Variants in ZGRF1 observed in about 807,000 individuals in gnomAD.
The protein encoded by ZGRF1 is 5'-3' DNA helicase ZGRF1.
In ZGRF1, 196 loss-of-function variants were observed where a neutral mutation model predicts 203.5. The observed-to-expected ratio is 0.96, with a 90% confidence interval of 0.86 to 1.08. The LOEUF (loss-of-function observed/expected upper bound fraction) is 1.08, where lower values mean the gene tolerates loss of function less well. Among genes scored for constraint, ZGRF1 ranks in the 50% least tolerant of loss-of-function variants. The probability of loss-of-function intolerance (pLI) is 0.00; values close to 1 mark genes in which losing one functional copy is unlikely to be tolerated. For missense variants in ZGRF1, 2,326 were observed against 2,416.3 expected (o/e 0.96, Z 0.78); for synonymous variants, 809 against 841.3 (o/e 0.96, Z 0.66).
Position 112,562,425 on chromosome 4 carries a change from A to T in ZGRF1, c.4643T>A (p.Ile1548Asn). ...ASTELTTLKN[I>N]QDYFNPATLP... ...AGTAGCTGGATTAAAGTAGTCCTGA[A>T]TGTTTTTCAAAGTAGTCAGTTCTGT... is the stretch of plus-strand genomic sequence containing the variant. The change falls in exon 18 of 28, where the codon ATT (isoleucine) becomes AAT (asparagine). Residue 1548 changes from isoleucine to asparagine, a missense_variant. Physicochemically the swap from Ile to Asn is moderately radical, Grantham distance 149 (BLOSUM62 -3). Transcript: ENST00000505019. The T allele has an allele frequency of 1.9e-6, 3 of 1,610,732 alleles. No individual in the cohort carries two copies. The highest frequency in any genetic ancestry group is 2.5e-6 in the Non-Finnish European group (3 of 1,178,246).
At position 112,586,910 on chromosome 4, in the gene ZGRF1, C is replaced by T. The variant is rs528651169; in HGVS notation, c.3778-327G>A. Reference sequence around the variant, plus strand: ...TTATGACTATAATAAGGATTATTCACAATTAACGTGAAATAAGATGCACCT... The same window carrying T: ...TTATGACTATAATAAGGATTATTCATAATTAACGTGAAATAAGATGCACCT... On this transcript the variant is annotated intron_variant, in intron 12 of 27. Coordinates refer to ENST00000505019, the MANE Select transcript of ZGRF1 (RefSeq NM_018392.5). Among the ~76,000 whole-genome samples the T allele has an allele frequency of 9.2e-5, 14 of 152,214 alleles. No homozygotes were observed. The South Asian group carries it at 1.7e-3, about 18-fold the overall frequency.
At chr4:112,633,085 G>T in intron 2 of ZGRF1, 71 bp downstream of exon 2, 1 of 1,364,566 alleles carries the variant, frequency 7.3e-7, no homozygotes, top group Non-Finnish European at 1.0e-6. Context: ...CAAGATGTTT[G>T]TGAAACGCCT....
intron 24 of ZGRF1, 100 bp downstream of exon 24, chr4:112,547,185 G>T: frequency 1.7e-6 from 2 of 1,181,492 alleles, no homozygotes; most frequent in South Asian, 1.9e-5. Context: ...TTATTTTAAG[G>T]CAGGACTAAG....
At chr4:112,559,713 G>A (rs1741586375) in intron 19 of ZGRF1, among the ~76,000 whole-genome samples, 1 of 152,166 alleles carries the variant, frequency 6.6e-6, no homozygotes, top group African/African-American at 2.4e-5. Flanking sequence ...ATGCTATTAT[G>A]ATCTCCATTT....
chr4:112,548,586 C>G (rs529806716), intron 22 of ZGRF1, among the ~76,000 whole-genome samples: 10 of 151,478 alleles, frequency 6.6e-5, no homozygotes, highest in Admixed American at 5.9e-4. Context: ...GTTACTTAAG[C>G]CACAAGCCCA....
chr4:112,567,087 G>T (rs1000216299), intron 16 of ZGRF1, among the ~76,000 whole-genome samples: 2 of 152,238 alleles, frequency 1.3e-5, no homozygotes, highest in African/African-American at 2.4e-5. Flanking sequence ...TCTAAGAAAT[G>T]ATACATCTTA....
At chr4:112,583,298 A>G (rs1304967963) in intron 15 of ZGRF1, among the ~76,000 whole-genome samples, 2 of 152,212 alleles carry the variant, frequency 1.3e-5, no homozygotes, top group Admixed American at 1.3e-4. Flanking sequence ...CTATTACCCT[A>G]TAAGCTATGT....
At chr4:112,601,614 T>C (rs552561227) in intron 10 of ZGRF1, among the ~76,000 whole-genome samples, 2 of 150,092 alleles carry the variant, frequency 1.3e-5, no homozygotes, top group Admixed American at 1.3e-4. Context: ...GGTGGGCACA[T>C]GTAGTCCCAG....
Position 112,617,620 on chromosome 4 carries a change from T to G in ZGRF1, c.2422A>C (p.Lys808Gln). Residue 808 changes from lysine (K) to glutamine (Q), a missense_variant, in exon 6 of 28, where the codon AAA (lysine) becomes CAA (glutamine). By Grantham distance (53) the Lys-to-Gln change is moderately conservative (BLOSUM62 1). Coordinates refer to ENST00000505019, the MANE Select transcript of ZGRF1 (RefSeq NM_018392.5). ...HVEVETAREG[K>Q]QYWNPRNSSE... ...GAATTTCTAGGATTCCAGTATTGTT[T>G]GCCTTCTCTGGCAGTTTCAACCTCA... 1 of 1,613,418 alleles carries G rather than the reference T, an allele frequency of 6.2e-7. No individual in the cohort carries two copies. Among genetic ancestry groups the G allele is most frequent in the Non-Finnish European group, 8.5e-7 (1 of 1,179,818 alleles).
At chr4:112,558,097 C>T in intron 20 of ZGRF1, 53 bp downstream of exon 20, 1 of 1,509,574 alleles carries the variant, frequency 6.6e-7, no homozygotes, top group Non-Finnish European at 9.0e-7. Flanking sequence ...TGGGTTGCCT[C>T]TCTCAACAAT....
At chr4:112,626,862 G>A (rs963056024) in intron 3 of ZGRF1, among the ~76,000 whole-genome samples, 2 of 152,126 alleles carry the variant, frequency 1.3e-5, no homozygotes, top group Middle Eastern at 3.4e-3. Context: ...CTACAGTGCA[G>A]TGGCATGATC....
chr4:112,569,068 A>C (rs1362500124), intron 16 of ZGRF1, among the ~76,000 whole-genome samples: 1 of 152,206 alleles, frequency 6.6e-6, no homozygotes. Context: ...TGAATACAAG[A>C]TGATAACTAA....
chr4:112,583,747 T>A (rs1019604244), intron 15 of ZGRF1, among the ~76,000 whole-genome samples: 1 of 151,596 alleles, frequency 6.6e-6, no homozygotes, highest in Non-Finnish European at 1.5e-5. Flanking sequence ...AAGGTTGCAG[T>A]GAGCTAAGGA....
In ZGRF1 at chr4:112,554,100, T is replaced by C. The variant is rs955456139; in HGVS notation, c.5199-118A>G. The C allele has an allele frequency of 9.7e-6, 8 of 824,914 alleles. No homozygotes were observed. The Admixed American group carries it at 2.2e-4, about 23-fold the overall frequency. 51.1% of individuals were successfully genotyped at this position (824,914 alleles called of 1,614,324 possible). A position where few individuals can be genotyped will look rare whatever the true frequency, so the allele number is the denominator to read the frequency against. The stretch of plus-strand genomic sequence containing the variant: ...TAAGTTTTAGGGTACATGTGCACAA[T>C]GTGCAGGTTTGTTACATATGTATAC... On this transcript the variant is annotated intron_variant, in intron 21 of 27. Transcript: ENST00000505019.
intron 24 of ZGRF1, among the ~76,000 whole-genome samples, chr4:112,544,406 TG>T (rs1738325429): frequency 6.6e-6 from 1 of 152,148 alleles, no homozygotes; most frequent in Non-Finnish European, 1.5e-5. Flanking sequence ...GATTCTGGGG[TG>T]GAAGTAGAAA....
At chr4:112,543,334 G>T (rs912174026) in intron 24 of ZGRF1, among the ~76,000 whole-genome samples, 1 of 152,080 alleles carries the variant, frequency 6.6e-6, no homozygotes, top group East Asian at 1.9e-4. Flanking sequence ...ATGAATCTAT[G>T]AATAATATAT....
chr4:112,622,659 G>C (rs1345980440), intron 4 of ZGRF1, among the ~76,000 whole-genome samples: 1 of 151,944 alleles, frequency 6.6e-6, no homozygotes, highest in Non-Finnish European at 1.5e-5. Context: ...TAGACATAGA[G>C]AGTTTAGGTG....
At chr4:112,547,457 T>G (rs762047116) in intron 23 of ZGRF1, 49 bp from the exon 24 acceptor site, 2 of 1,549,194 alleles carry the variant, frequency 1.3e-6, no homozygotes. Context: ...ATGGGTGCAT[T>G]AACATCATTT....
rs141009919 is a variant in ZGRF1 at position 112,558,229 on chromosome 4, G to A, written c.5041C>T (p.Pro1681Ser). The A allele has an allele frequency of 1.3e-4, 205 of 1,605,130 alleles. No homozygotes were observed. In the African/African-American group the frequency reaches 2.5e-3, roughly 19 times the overall value. ...CACGGCCTTGCATTTCCAATGGTGG[G>A]AGCTTCACTCTTTTCAAACAGCTGT... ...FVQLFEKSEA[P>S]TIGNARPWKL... Residue 1681 changes from proline (P) to serine (S), a missense_variant, in exon 20 of 28, where the codon CCC (proline) becomes TCC (serine). Transcript: ENST00000505019.
Sources: allele counts gnomAD v4.1 joint callset (sites outside exome capture counted in the v4.1 genomes callset), GRCh38; gene constraint gnomAD v4.1.1; transcripts MANE v1.5; gene names NCBI Gene and HGNC (gene_info 2026-07-23, HGNC 2026-07-21).